CERS6: variants seen among roughly 807,000 people sequenced by gnomAD.
The protein encoded by CERS6 is LAG1 homolog, ceramide synthase 6.
Under a neutral mutation model 56.8 loss-of-function variants are expected in CERS6, and 26 were observed. The observed-to-expected ratio is 0.46, with a 90% CI of 0.34 to 0.63. The LOEUF (loss-of-function observed/expected upper bound fraction) is 0.63, where lower values mean the gene tolerates loss of function less well. Ranked by LOEUF, CERS6 falls within the 30% of genes least tolerant of loss-of-function variation. The pLI is 0.01. For synonymous variants in CERS6, 164 were observed against 173.3 expected, an observed-to-expected ratio of 0.95 and a Z score of 0.42; for missense variants, 415 against 467.5, an observed-to-expected ratio of 0.89 and a Z score of 1.04.
At chr2:168,489,178 T>C (rs1694325426) in intron 1 of CERS6, among the ~76,000 whole-genome samples, 1 of 152,148 alleles carries the variant, frequency 6.6e-6, no homozygotes, top group African/African-American at 2.4e-5. Flanking sequence ...ATATGGAATT[T>C]TAGGTTGGTG....
intron 6 of CERS6, among the ~76,000 whole-genome samples, chr2:168,713,421 T>G (rs10439295): frequency 0.085 from 12,892 of 152,208 alleles, 1,165 homozygotes; most frequent in African/African-American, 0.22. Flanking sequence ...GTCTTGGCAT[T>G]TAAGTCTCAA....
intron 2 of CERS6, among the ~76,000 whole-genome samples, chr2:168,551,523 C>G (rs140603901): frequency 6.6e-6 from 1 of 152,036 alleles, no homozygotes; most frequent in Non-Finnish European, 1.5e-5. Flanking sequence ...GTCTCACAGG[C>G]GTTCATGAGG....
intron 1 of CERS6, among the ~76,000 whole-genome samples, chr2:168,510,385 C>T (rs1372324811): frequency 6.6e-6 from 1 of 152,148 alleles, no homozygotes; most frequent in African/African-American, 2.4e-5. Context: ...TTTTACCATA[C>T]ATTTTCTATA....
intron 1 of CERS6, among the ~76,000 whole-genome samples, chr2:168,543,003 A>C (rs1574054471): frequency 6.6e-6 from 1 of 152,054 alleles, no homozygotes; most frequent in African/African-American, 2.4e-5. Flanking sequence ...GGCCCATTTT[A>C]CGTTTTGACT....
chr2:168,552,367 C>CACACACAG lies in CERS6; in HGVS notation c.276+4673_276+4674insGACACACA, dbSNP rs1186163175. On this transcript the variant is annotated intron_variant, in intron 2 of 9. Coordinates refer to ENST00000305747, the MANE Select transcript of CERS6 (RefSeq NM_203463.3). ...CAGAGTATACACACACACACACACA[C>CACACACAG]ACACACACACACACACACACACACT... Among the ~76,000 whole-genome samples the CACACACAG allele has an allele frequency of 2.1e-3, 250 of 119,328 alleles. 1 individual carries two copies. The highest frequency in any genetic ancestry group is 3.1e-3 in the Non-Finnish European group (163 of 52,178). The allele number at this position is 119,328 out of a possible 152,430, so 78.3% of individuals were successfully genotyped here. A position where few individuals can be genotyped will look rare whatever the true frequency, so the allele number is the denominator to read the frequency against.
rs1553503151 is a variant in CERS6, at chr2:168,645,116, A to AATATAT, written c.465+14096_465+14101dup. 2.1e-4 allele frequency among the ~76,000 whole-genome samples: 4 copies of AATATAT among 19,034 alleles called. 1 individual carries two copies. The highest frequency in any genetic ancestry group is 4.0e-4 in the Non-Finnish European group (4 of 10,018). The allele number at this position is 19,034 out of a possible 152,430, so 12.5% of individuals were successfully genotyped here. A position where few individuals can be genotyped will look rare whatever the true frequency, so the allele number is the denominator to read the frequency against. ...AAAAAAAAAAAAAAAAAAAAAAAAA[A>AATATAT]ATATATATATATATATATATATATA... On this transcript the variant is annotated intron_variant, in intron 4 of 9. Transcript: ENST00000305747.
At chr2:168,541,386 C>T (rs371124127) in intron 1 of CERS6, among the ~76,000 whole-genome samples, 1 of 152,164 alleles carries the variant, frequency 6.6e-6, no homozygotes, top group African/African-American at 2.4e-5. Context: ...TAGTTTGTCT[C>T]CTTTTTCCCT....
intron 1 of CERS6, among the ~76,000 whole-genome samples, chr2:168,466,241 A>G (rs1693871828): frequency 6.6e-6 from 1 of 152,172 alleles, no homozygotes. Context: ...CTGCATGTGT[A>G]GAAGAGGAGA....
At chr2:168,488,717 A>T (rs60107171) in intron 1 of CERS6, among the ~76,000 whole-genome samples, 4 of 151,362 alleles carry the variant, frequency 2.6e-5, no homozygotes, top group Admixed American at 2.0e-4. Flanking sequence ...CTTTAAAAAA[A>T]TTTTTTTTTG....
intron 3 of CERS6, among the ~76,000 whole-genome samples, chr2:168,621,890 G>A (rs1684479698): frequency 6.6e-6 from 1 of 152,182 alleles, no homozygotes. Context: ...TAATTATAAT[G>A]CTTAGAAAAG....
chr2:168,700,560 A>G (rs1686780985), intron 6 of CERS6, among the ~76,000 whole-genome samples: 1 of 152,214 alleles, frequency 6.6e-6, no homozygotes, highest in African/African-American at 2.4e-5. Context: ...CTTTAAATTT[A>G]TCATTAAGTA....
At chr2:168,637,750 A>C (rs900270851) in intron 4 of CERS6, among the ~76,000 whole-genome samples, 5 of 152,240 alleles carry the variant, frequency 3.3e-5, no homozygotes, top group African/African-American at 7.2e-5. Context: ...AGAATGTTAC[A>C]TGAAAGTAAC....
At position 168,772,430 on chromosome 2, in the gene CERS6, T is replaced by C. The variant is rs1240562514; in HGVS notation, c.*2768T>C. On this transcript the variant is annotated 3_prime_UTR_variant, in exon 10 of 10. Coordinates refer to ENST00000305747, the MANE Select transcript of CERS6 (RefSeq NM_203463.3). ...TGTTCTATTTATGTATATATATGTA[T>C]GTTTCTCCAAAAAGTGATAAAACCA... is the stretch of plus-strand genomic sequence containing the variant. 1 of 152,644 alleles carries C rather than the reference T, an allele frequency of 6.6e-6. No individual in the cohort carries two copies. The highest frequency in any genetic ancestry group is 2.4e-5 in the African/African-American group (1 of 41,442). The allele number at this position is 152,644 out of a possible 1,614,324, so 9.5% of individuals were successfully genotyped here. A position where few individuals can be genotyped will look rare whatever the true frequency, so the allele number is the denominator to read the frequency against.
intron 4 of CERS6, among the ~76,000 whole-genome samples, chr2:168,634,354 T>C (rs139460653): frequency 7.7e-4 from 118 of 152,304 alleles, no homozygotes; most frequent in Middle Eastern, 3.4e-3. Flanking sequence ...TTAACACATT[T>C]TCCTAGGTTC....
At chr2:168,457,664 G>T (rs1197455625) in intron 1 of CERS6, among the ~76,000 whole-genome samples, 2 of 151,992 alleles carry the variant, frequency 1.3e-5, no homozygotes, top group African/African-American at 4.8e-5. Flanking sequence ...TGCATTTCTC[G>T]CTTCCACTCC....
intron 8 of CERS6, among the ~76,000 whole-genome samples, chr2:168,764,216 C>T (rs568754484): frequency 1.3e-5 from 2 of 152,240 alleles, no homozygotes; most frequent in East Asian, 3.9e-4. Context: ...GATCTCTGCT[C>T]ACTGCAAGCC....
At chr2:168,626,942 A>G (rs947547527) in intron 3 of CERS6, among the ~76,000 whole-genome samples, 7 of 152,044 alleles carry the variant, frequency 4.6e-5, no homozygotes, top group Admixed American at 1.3e-4. Context: ...TCTTCACTCC[A>G]GTTTTGTGTC....
intron 1 of CERS6, among the ~76,000 whole-genome samples, chr2:168,524,974 G>A (rs558011581): frequency 1.8e-4 from 27 of 152,164 alleles, no homozygotes; most frequent in South Asian, 6.2e-4. Context: ...TAATATCATA[G>A]CTATTTTTGG....
At chr2:168,574,215 T>C (rs1354409277) in intron 3 of CERS6, among the ~76,000 whole-genome samples, 1 of 152,192 alleles carries the variant, frequency 6.6e-6, no homozygotes, top group Non-Finnish European at 1.5e-5. Flanking sequence ...ACTGGATTGA[T>C]TTAAAAATAA....
Sources: allele counts gnomAD v4.1 joint callset (sites outside exome capture counted in the v4.1 genomes callset), GRCh38; gene constraint gnomAD v4.1.1; transcripts MANE v1.5; gene names NCBI Gene and HGNC (gene_info 2026-07-23, HGNC 2026-07-21).